The following ROBO1 variants were observed in gnomAD, a reference collection of about 807,000 sequenced individuals.
ROBO1 encodes roundabout guidance receptor 1, also known as roundabout homolog 1.
ROBO1 carries 149 observed loss-of-function variants against 195.9 expected under a neutral mutation model. The ratio of observed to expected loss-of-function variants is 0.76; its 90% confidence interval spans 0.67 to 0.87. The LOEUF is 0.87. Among genes scored for constraint, ROBO1 ranks in the 40% least tolerant of loss-of-function variants. The pLI is 0.00. For missense variants in ROBO1, 1,933 were observed against 2,068.3 expected (o/e 0.93, Z 1.27); for synonymous variants, 816 against 733.2 (o/e 1.11, Z -1.82).
intron 1 of ROBO1, among the ~76,000 whole-genome samples, chr3:79,742,276 G>A (rs1272345784): frequency 1.3e-5 from 2 of 152,190 alleles, no homozygotes; most frequent in Non-Finnish European, 2.9e-5. Flanking sequence ...TTACAGGCAT[G>A]GGGGCCTAAG....
rs201452685 is a variant in ROBO1, at chr3:78,985,605, G to A, written c.173-46678C>T. 9.2e-5 allele frequency among the ~76,000 whole-genome samples: 14 copies of A among 152,164 alleles called. No individual in the cohort carries two copies. The East Asian group carries it at 1.4e-3, about 15-fold the overall frequency. ...TTCGGGCCACATCATTCTTCATTAC[G>A]AAGGGATGTAATGTACATTACAGGC... is the stretch of plus-strand genomic sequence containing the variant. On this transcript the variant is annotated intron_variant, in intron 3 of 30. Transcript: ENST00000464233.
chr3:78,964,912 G>A (rs1045353942), intron 3 of ROBO1, among the ~76,000 whole-genome samples: 4 of 149,790 alleles, frequency 2.7e-5, no homozygotes, highest in African/African-American at 9.9e-5. Flanking sequence ...TCAAACCCCT[G>A]GGCTAAAGTG....
chr3:78,617,736 T>A lies in ROBO1; in HGVS notation c.4181A>T (p.Asp1394Val). The change falls in exon 27 of 31, where the codon GAC (aspartate) becomes GTC (valine). Residue 1394 changes from aspartate to valine, a missense_variant. This residue lies in a region of ROBO1 where 1,737 missense variants were observed against 1,882.5 expected (regional missense o/e 0.92). Coordinates refer to ENST00000464233, the MANE Select transcript of ROBO1 (RefSeq NM_002941.4). ...GTCAGCATCAGTGAAAAAGGAGCCG[T>A]CCGAAGAACTAACACTGGAGCGTCC... is the stretch of plus-strand genomic sequence containing the variant. ...SSGRSSVSSSDGSFFTDADFA... is the reference protein window; with the variant it reads ...SSGRSSVSSSVGSFFTDADFA... 1.2e-6 allele frequency: 2 copies of A among 1,613,894 alleles called. No homozygotes were observed. The highest frequency in any genetic ancestry group is 1.7e-6 in the Non-Finnish European group (2 of 1,179,852).
At chr3:78,792,388 T>C (rs1039403964) in intron 4 of ROBO1, among the ~76,000 whole-genome samples, 1 of 152,228 alleles carries the variant, frequency 6.6e-6, no homozygotes, top group African/African-American at 2.4e-5. Flanking sequence ...TTTATTACTT[T>C]ACCTACTAAT....
intron 2 of ROBO1, among the ~76,000 whole-genome samples, chr3:79,294,567 AG>A (rs1374771096): frequency 1.3e-5 from 2 of 152,196 alleles, no homozygotes; most frequent in Admixed American, 1.3e-4. Context: ...AAAGACCAAA[AG>A]CAATGGTAAC....
At chr3:78,629,912 A>G (rs1398638756) in intron 25 of ROBO1, among the ~76,000 whole-genome samples, 1 of 152,168 alleles carries the variant, frequency 6.6e-6, no homozygotes, top group Non-Finnish European at 1.5e-5. Context: ...CACACGGTAA[A>G]CAAGCGTCCT....
chr3:79,018,834 G>A, intron 3 of ROBO1: 1 of 1,010,582 alleles, frequency 9.9e-7, no homozygotes, highest in Non-Finnish European at 1.2e-6. Flanking sequence ...GCGGCCGAGC[G>A]CCGCTGCGAG....
rs368110549 is a variant in ROBO1 at position 79,303,159 on chromosome 3, G to GTTTTTTTTTTTTTTTTTTTTTTTT, written c.89-177621_89-177620insAAAAAAAAAAAAAAAAAAAAAAAA. Among the ~76,000 whole-genome samples, 40 of 72,090 alleles carry GTTTTTTTTTTTTTTTTTTTTTTTT rather than the reference G, an allele frequency of 5.5e-4. 18 individuals carry two copies. Among genetic ancestry groups the GTTTTTTTTTTTTTTTTTTTTTTTT allele is most frequent in the Non-Finnish European group, 5.6e-4 (23 of 41,250 alleles). 47.3% of individuals were successfully genotyped at this position (72,090 alleles called of 152,430 possible). ...ATTAATATATGAATTATCTCACATA[G>GTTTTTTTTTTTTTTTTTTTTTTTT]GTTTTTTTTTTTTTTTTTTTTTTTG... On this transcript the variant is annotated intron_variant, in intron 2 of 30. Transcript: ENST00000464233.
intron 18 of ROBO1, among the ~76,000 whole-genome samples, chr3:78,656,833 T>C (rs971138378): frequency 3.3e-5 from 5 of 152,202 alleles, no homozygotes; most frequent in African/African-American, 7.2e-5. Flanking sequence ...ATATCAAAAA[T>C]GTGTGCTTAG....
At chr3:79,544,614 T>C (rs1037779618) in intron 2 of ROBO1, among the ~76,000 whole-genome samples, 1 of 152,024 alleles carries the variant, frequency 6.6e-6, no homozygotes, top group Non-Finnish European at 1.5e-5. Flanking sequence ...ATTGTTTATA[T>C]TGGGTAGAAA....
Position 78,746,797 on chromosome 3 carries a change from G to C in ROBO1, c.603C>G (p.Thr201=). Residue 201 remains threonine (T), a synonymous_variant, in exon 5 of 31, where the codon ACC becomes ACG. Coordinates refer to ENST00000464233, the MANE Select transcript of ROBO1 (RefSeq NM_002941.4). ...GAGAGCCATCTTTCTTCCATGAAATGGTGGGCTCAGGATGGCCTCGTGGAG... is the reference window on the plus strand; with the variant it reads ...GAGAGCCATCTTTCTTCCATGAAATCGTGGGCTCAGGATGGCCTCGTGGAG... ...CQPPRGHPEP[T]ISWKKDGSPL... is the part of the protein sequence containing the mutation. 6.3e-7 allele frequency: 1 copy of C among 1,583,946 alleles called. No homozygotes were observed. Among genetic ancestry groups the C allele is most frequent in the Non-Finnish European group, 8.6e-7 (1 of 1,159,970 alleles).
At chr3:79,197,302 C>G (rs1037209773) in intron 2 of ROBO1, among the ~76,000 whole-genome samples, 1 of 151,806 alleles carries the variant, frequency 6.6e-6, no homozygotes, top group African/African-American at 2.4e-5. Context: ...GGTTTTCTGT[C>G]CTTGTGATAA....
At chr3:79,580,895 A>G (rs1943639867) in intron 2 of ROBO1, among the ~76,000 whole-genome samples, 1 of 152,236 alleles carries the variant, frequency 6.6e-6, no homozygotes. Context: ...AGTCAAGAAT[A>G]CTCATTTTAT....
At chr3:79,721,937 A>G (rs943896162) in intron 1 of ROBO1, among the ~76,000 whole-genome samples, 3 of 152,252 alleles carry the variant, frequency 2.0e-5, no homozygotes, top group African/African-American at 7.2e-5. Flanking sequence ...CATTGAAAAC[A>G]GACTGTGCCA....
intron 22 of ROBO1, among the ~76,000 whole-genome samples, chr3:78,638,183 GTATA>G (rs1002466274): frequency 7.0e-6 from 1 of 143,368 alleles, no homozygotes; most frequent in Non-Finnish European, 1.5e-5. Flanking sequence ...GTGTGTGTGT[GTATA>G]TATATGTGTG....
At chr3:79,061,028 G>C (rs895763370) in intron 3 of ROBO1, among the ~76,000 whole-genome samples, 3 of 152,058 alleles carry the variant, frequency 2.0e-5, no homozygotes, top group African/African-American at 7.2e-5. Context: ...AATAAATAAA[G>C]GGTATTTGGT....
At chr3:79,119,938 G>GT (rs1401044640) in intron 3 of ROBO1, among the ~76,000 whole-genome samples, 2 of 151,826 alleles carry the variant, frequency 1.3e-5, no homozygotes. Flanking sequence ...GCCTGGCTAA[G>GT]TTTTTGTATT....
chr3:78,818,413 C>G (rs1461908827), intron 4 of ROBO1, among the ~76,000 whole-genome samples: 1 of 152,184 alleles, frequency 6.6e-6, no homozygotes, highest in African/African-American at 2.4e-5. Context: ...CCACAGTGAC[C>G]TCCGTCAATC....
intron 3 of ROBO1, among the ~76,000 whole-genome samples, chr3:79,052,890 G>A (rs1041284253): frequency 2.6e-5 from 4 of 151,954 alleles, no homozygotes; most frequent in African/African-American, 9.7e-5. Flanking sequence ...TGTATGGTCC[G>A]GGTTAACTAT....
Sources: allele counts gnomAD v4.1 joint callset (sites outside exome capture counted in the v4.1 genomes callset), GRCh38; gene constraint gnomAD v4.1.1; regional missense constraint gnomAD v4.1.1; transcripts MANE v1.5; gene names NCBI Gene and HGNC (gene_info 2026-07-23, HGNC 2026-07-21).